MDGA1: variants seen among roughly 807,000 people sequenced by gnomAD.
MDGA1 encodes the protein MAM domain-containing glycosylphosphatidylinositol anchor protein 1.
Under a neutral mutation model 101.5 loss-of-function variants are expected in MDGA1, and 54 were observed. The ratio of observed to expected loss-of-function variants is 0.53; its 90% CI spans 0.43 to 0.67. The LOEUF is 0.67. Ranked by LOEUF, MDGA1 falls within the 30% of genes least tolerant of loss-of-function variation. MDGA1 has a pLI of 0.00. For missense variants in MDGA1, 1,083 were observed against 1,323.8 expected (o/e 0.82, Z 2.82); for synonymous variants, 533 against 558.3 (o/e 0.95, Z 0.64).
intron 1 of MDGA1, among the ~76,000 whole-genome samples, chr6:37,694,420 CATGCTGG>C (rs1229540351): frequency 3.9e-5 from 6 of 152,326 alleles, no homozygotes; most frequent in South Asian, 2.1e-4. Context: ...TGCCGGGGAC[CATGCTGG>C]ATGCTGGATG....
At chr6:37,661,060 G>C (rs561079587) in intron 2 of MDGA1, among the ~76,000 whole-genome samples, 1 of 152,348 alleles carries the variant, frequency 6.6e-6, no homozygotes, top group African/African-American at 2.4e-5. Context: ...CTGAAGGACA[G>C]TCTGTTCCCT....
chr6:37,635,628 C>A lies in MDGA1; in HGVS notation c.*1740G>T. 2.5e-6 allele frequency: 1 copy of A among 398,712 alleles called. No homozygotes were observed. Among genetic ancestry groups the A allele is most frequent in the Middle Eastern group, 6.3e-4 (1 of 1,588 alleles). 24.7% of individuals were successfully genotyped at this position (398,712 alleles called of 1,614,324 possible). Reference sequence around the variant, plus strand: ...CTTTGCCTCGGTTCCCCGCCTGCCTCCTGGCACTGCAGTGCTGCCCGAGTT... The same window carrying A: ...CTTTGCCTCGGTTCCCCGCCTGCCTACTGGCACTGCAGTGCTGCCCGAGTT... On this transcript the variant is annotated 3_prime_UTR_variant, in exon 17 of 17. Transcript: ENST00000434837.
At chr6:37,639,386 G>A (rs574371295) in intron 14 of MDGA1, 1 of 152,504 alleles carries the variant, frequency 6.6e-6, no homozygotes, top group South Asian at 2.1e-4. Context: ...CCTGTCCCTG[G>A]ACAGGACTAT....
At chr6:37,689,286 A>C (rs574047558) in intron 1 of MDGA1, among the ~76,000 whole-genome samples, 1 of 152,218 alleles carries the variant, frequency 6.6e-6, no homozygotes, top group African/African-American at 2.4e-5. Flanking sequence ...TTCAACCCAC[A>C]TCCTTCTGCA....
intron 1 of MDGA1, among the ~76,000 whole-genome samples, chr6:37,675,812 G>A (rs1453801460): frequency 6.6e-6 from 1 of 152,192 alleles, no homozygotes; most frequent in Non-Finnish European, 1.5e-5. Flanking sequence ...AAGCTCTGCT[G>A]GTCTTGGAGA....
At position 37,644,523 on chromosome 6, in the gene MDGA1, G is replaced by T. The variant is rs749201379; in HGVS notation, c.2375C>A (p.Pro792His). Reference protein sequence around the residue: ...NPKRSPNTGPPTDISGTPEGY... With the variant: ...NPKRSPNTGPHTDISGTPEGY... ...CTCAGGGGTGCCACTTATGTCGGTG[G>T]GGGGACCAGTGTTGGGGGAGCGTTT... The change falls in exon 13 of 17, where the codon CCC (proline) becomes CAC (histidine). Residue 792 changes from proline to histidine, a missense_variant. This residue lies in a region of MDGA1 where 657 missense variants were observed against 771.4 expected (regional missense o/e 0.85). Coordinates refer to ENST00000434837, the MANE Select transcript of MDGA1 (RefSeq NM_153487.4). The T allele has an allele frequency of 2.6e-5, 42 of 1,595,188 alleles. No homozygotes were observed. The highest frequency in any genetic ancestry group is 3.2e-5 in the Non-Finnish European group (38 of 1,171,238).
At chr6:37,646,021 C>T (rs2114009125) in intron 11 of MDGA1, 65 bp from the exon 12 acceptor site, 1 of 1,610,688 alleles carries the variant, frequency 6.2e-7, no homozygotes, top group South Asian at 1.1e-5. Flanking sequence ...GGATACCCTG[C>T]TTGGGACCAG....
At position 37,631,770 on chromosome 6, in the gene MDGA1, A is replaced by G. The variant is rs1480229465; in HGVS notation, c.*5598T>C. ...TCTAGAATTCTGAGAGGTCTGGGGT[A>G]AAGGGAAAGGTTGGCATAACTTGAT... On this transcript the variant is annotated 3_prime_UTR_variant, in exon 17 of 17. Transcript: ENST00000434837. 4 of 152,188 alleles carry G rather than the reference A, an allele frequency of 2.6e-5. No homozygotes were observed. Among genetic ancestry groups the G allele is most frequent in the Non-Finnish European group, 5.9e-5 (4 of 68,016 alleles). The allele number at this position is 152,188 out of a possible 1,614,324, so 9.4% of individuals were successfully genotyped here.
intron 1 of MDGA1, among the ~76,000 whole-genome samples, chr6:37,685,337 G>A (rs1036126824): frequency 2.0e-5 from 3 of 152,082 alleles, no homozygotes; most frequent in Middle Eastern, 3.4e-3. Context: ...TCTCAGGGCC[G>A]AGGAGTTACT....
At chr6:37,692,689 C>T (rs189726752) in intron 1 of MDGA1, among the ~76,000 whole-genome samples, 333 of 152,180 alleles carry the variant, frequency 2.2e-3, no homozygotes, top group Non-Finnish European at 4.1e-3. Flanking sequence ...CCCCTTCCCC[C>T]CCAGCCTGTC....
chr6:37,668,996 T>C (rs542519031), intron 1 of MDGA1, among the ~76,000 whole-genome samples: 1 of 152,274 alleles, frequency 6.6e-6, no homozygotes, highest in South Asian at 2.1e-4. Context: ...TACAGGTGTC[T>C]GCCACCACGC....
Position 37,652,343 on chromosome 6 carries a change from G to GT in MDGA1, c.983-4dup. On this transcript the variant is annotated splice_region_variant and splice_polypyrimidine_tract_variant and intron_variant, in intron 6 of 16. Coordinates refer to ENST00000434837, the MANE Select transcript of MDGA1 (RefSeq NM_153487.4). The surrounding 1 kb of genome is among the most constrained non-coding windows in gnomAD (Gnocchi z 4.3). ...CTGGAATGTAGCGTTCTTCATGGCT[G>GT]TGAGTGGATGGGGAGGGAAGGGTAG... 1 of 1,600,478 alleles carries GT rather than the reference G, an allele frequency of 6.2e-7. No homozygotes were observed. Among genetic ancestry groups the GT allele is most frequent in the Non-Finnish European group, 8.5e-7 (1 of 1,170,950 alleles).
intron 1 of MDGA1, among the ~76,000 whole-genome samples, chr6:37,684,257 C>A (rs951439985): frequency 6.6e-6 from 1 of 152,170 alleles, no homozygotes; most frequent in African/African-American, 2.4e-5. Flanking sequence ...CTGGCAGCAA[C>A]CTCCAGTTCA....
intron 1 of MDGA1, among the ~76,000 whole-genome samples, chr6:37,665,436 C>T (rs1761727171): frequency 2.0e-5 from 3 of 152,156 alleles, no homozygotes; most frequent in Admixed American, 2.0e-4. Flanking sequence ...ACAAACAGGA[C>T]CTAAGGCCAT....
chr6:37,690,951 A>G (rs1762296855), intron 1 of MDGA1, among the ~76,000 whole-genome samples: 1 of 151,874 alleles, frequency 6.6e-6, no homozygotes, highest in African/African-American at 2.4e-5. Flanking sequence ...CCTTACTTCT[A>G]TTTGTCAAGG....
intron 1 of MDGA1, among the ~76,000 whole-genome samples, chr6:37,672,285 TAA>T (rs530299424): frequency 6.8e-6 from 1 of 146,536 alleles, no homozygotes; most frequent in African/African-American, 2.5e-5. Flanking sequence ...ACCCCATCTC[TAA>T]AAAAAAAAAA....
At chr6:37,678,867 C>A (rs1347864381) in intron 1 of MDGA1, among the ~76,000 whole-genome samples, 3 of 151,758 alleles carry the variant, frequency 2.0e-5, no homozygotes, top group Admixed American at 2.0e-4. Context: ...CAAATCAACA[C>A]CCTGCATATT....
In MDGA1 at chr6:37,650,096, G is replaced by A. The variant is rs779833972; in HGVS notation, c.1609+13C>T. The A allele has an allele frequency of 4.3e-6, 7 of 1,611,078 alleles. No homozygotes were observed. In the Admixed American group the frequency reaches 6.7e-5, roughly 15 times the overall value. ...AAGCTGGGAAGGTAGTCCGGGTGGCGTGGTGGACTCACACTGCACGTTCAG... is the reference window on the plus strand; with the variant it reads ...AAGCTGGGAAGGTAGTCCGGGTGGCATGGTGGACTCACACTGCACGTTCAG... On this transcript the variant is annotated intron_variant, in intron 8 of 16. Transcript: ENST00000434837.
chr6:37,648,875 G>A (rs1761282798), intron 9 of MDGA1, 107 bp downstream of exon 9: 2 of 1,436,496 alleles, frequency 1.4e-6, no homozygotes, highest in African/African-American at 3.0e-5. Flanking sequence ...TGGGCTTCAA[G>A]GGGGCCAGCA....
Sources: gnomAD v4.1 joint callset for allele counts (sites outside exome capture counted in the v4.1 genomes callset) on GRCh38, gnomAD v4.1.1 for gene constraint, gnomAD v4.1.1 regional missense constraint, Gnocchi (gnomAD v3.1) non-coding constraint, MANE v1.5 for transcripts, NCBI Gene and HGNC (gene_info 2026-07-23, HGNC 2026-07-21) for gene names.